Variants in PLVAP observed in about 807,000 individuals in gnomAD.
PLVAP encodes the protein plasmalemma vesicle associated protein, also known as plasmalemma vesicle-associated protein.
A neutral mutation model predicts 43.1 loss-of-function variants in PLVAP; 34 were observed. That is an observed-to-expected ratio of 0.79 (90% CI 0.60 to 1.05). PLVAP has a LOEUF of 1.05. Ranked by LOEUF, PLVAP falls within the 50% of genes least tolerant of loss-of-function variation. The pLI is 0.00. For synonymous variants in PLVAP, 241 were observed against 237.3 expected (o/e 1.02, Z -0.14); for missense variants, 574 against 593.4 (o/e 0.97, Z 0.34).
intron 1 of PLVAP, among the ~76,000 whole-genome samples, chr19:17,372,906 C>CA (rs200158805): frequency 0.19 from 28,151 of 144,600 alleles, 3,290 homozygotes; most frequent in South Asian, 0.3. Context: ...ACTAAAAATA[C>CA]AAAAAAAAAA....
chr19:17,366,268 C>G (rs939908685), intron 1 of PLVAP, 73 bp from the exon 2 acceptor site: 1 of 1,465,470 alleles, frequency 6.8e-7, no homozygotes, highest in African/African-American at 1.4e-5. Flanking sequence ...GGACCCAGAT[C>G]GAGCACCCTG....
Position 17,377,022 on chromosome 19 carries a change from G to C in PLVAP, c.267C>G (p.Asn89Lys). 6.2e-7 allele frequency: 1 copy of C among 1,614,122 alleles called. No homozygotes were observed. The highest frequency in any genetic ancestry group is 8.5e-7 in the Non-Finnish European group (1 of 1,180,026). ...TGGCATCCTTGGCGCGGGTGGTGAA[G>C]TTGAGCTCCTTGGTCAAGTTGGACT... ...ASQSNLTKEL[N>K]FTTRAKDAIM... Residue 89 changes from asparagine (N) to lysine (K), a missense_variant, in exon 1 of 6, where the codon AAC becomes AAG. By Grantham distance (94) the Asn-to-Lys change is moderately conservative. Coordinates refer to ENST00000252590, the MANE Select transcript of PLVAP (RefSeq NM_031310.3).
chr19:17,374,592 C>A (rs1348749300), intron 1 of PLVAP, among the ~76,000 whole-genome samples: 1 of 151,988 alleles, frequency 6.6e-6, no homozygotes, highest in Non-Finnish European at 1.5e-5. Flanking sequence ...TGAACAGGAA[C>A]AAAACACTGT....
At chr19:17,358,278 AAAAG>A (rs1433939084) in intron 5 of PLVAP, among the ~76,000 whole-genome samples, 16 of 149,760 alleles carry the variant, frequency 1.1e-4, no homozygotes, top group African/African-American at 2.8e-4. Flanking sequence ...AAAAAAAAAA[AAAAG>A]AAGAAGAGGT....
chr19:17,366,801 TG>T (rs907453096), intron 1 of PLVAP, among the ~76,000 whole-genome samples: 34 of 150,910 alleles, frequency 2.3e-4, no homozygotes, highest in African/African-American at 3.2e-4. Flanking sequence ...CTGGCTAATT[TG>T]TTTTTTTGTT....
In PLVAP at chr19:17,376,282, G is replaced by T. The variant is rs527436538; in HGVS notation, c.369+638C>A. Among the ~76,000 whole-genome samples the T allele has an allele frequency of 7.2e-5, 11 of 152,278 alleles. No individual in the cohort carries two copies. The East Asian group carries it at 2.1e-3, about 29-fold the overall frequency. On this transcript the variant is annotated intron_variant, in intron 1 of 5. Coordinates refer to ENST00000252590, the MANE Select transcript of PLVAP (RefSeq NM_031310.3). ...GGGTGAGAGGATTGCTTGAGCCCAG[G>T]AGTTCGAGACTAGCCTGGGCAACAT...
chr19:17,368,064 ATTTTTTTTTTTTTT>A, intron 1 of PLVAP, among the ~76,000 whole-genome samples: 1 of 76,034 alleles, frequency 1.3e-5, no homozygotes, highest in Non-Finnish European at 2.3e-5. Flanking sequence ...TGCCCGGCTA[ATTTTTTTTTTTTTT>A]TTTTTTTTTT....
rs12327811 is a variant in PLVAP, at chr19:17,370,924, C to T, written c.370-4729G>A. ...ACAAAAAATTAGCCAGGCGTGGTGG[C>T]GGGCGCCTGTAGTCCCAGCTACTCG... On this transcript the variant is annotated intron_variant, in intron 1 of 5. Transcript: ENST00000252590. Among the ~76,000 whole-genome samples the T allele has an allele frequency of 4.4e-3, 662 of 151,324 alleles. 9 individuals are homozygous for T. Among genetic ancestry groups the T allele is most frequent in the African/African-American group, 0.015 (605 of 41,322 alleles).
chr19:17,352,535 C>T (rs1029716859), intron 5 of PLVAP, among the ~76,000 whole-genome samples, 167 bp from the exon 6 acceptor site: 2 of 152,068 alleles, frequency 1.3e-5, no homozygotes, highest in African/African-American at 2.4e-5. Context: ...CCCCAGGGCT[C>T]CTTCGGGTTC....
intron 5 of PLVAP, among the ~76,000 whole-genome samples, chr19:17,355,197 G>C (rs57966750): frequency 0.61 from 89,895 of 146,954 alleles, 28,590 homozygotes; most frequent in African/African-American, 0.79. Flanking sequence ...GTACTCCAGC[G>C]TGGGTGGCAG....
chr19:17,377,185 A>G lies in PLVAP; in HGVS notation c.104T>C (p.Ile35Thr), dbSNP rs759373661. 19 of 1,613,874 alleles carry G rather than the reference A, an allele frequency of 1.2e-5. No homozygotes were observed. The highest frequency in any genetic ancestry group is 1.6e-5 in the Non-Finnish European group (19 of 1,180,004). The part of the protein sequence containing the change: ...LRYFFLFVSL[I>T]QFLIILGLVL... The stretch of plus-strand genomic sequence containing the variant: ...GAGCCCCAGGATGATGAGGAATTGG[A>G]TGAGGGAGACGAAGAGGAAGAAGTA... Residue 35 changes from isoleucine to threonine, a missense_variant, in exon 1 of 6, where the codon ATC becomes ACC. Ile to Thr is a moderately conservative substitution (Grantham distance 89, BLOSUM62 -1). Transcript: ENST00000252590.
intron 5 of PLVAP, among the ~76,000 whole-genome samples, chr19:17,357,029 C>T (rs1484594736): frequency 6.6e-6 from 1 of 152,002 alleles, no homozygotes; most frequent in Non-Finnish European, 1.5e-5. Flanking sequence ...CCTCTAATCC[C>T]AGCACTTTGG....
In PLVAP at chr19:17,366,160, G is replaced by A. The variant is rs766382691; in HGVS notation, c.405C>T (p.Ala135=). 1.2e-6 allele frequency: 2 copies of A among 1,614,112 alleles called. No homozygotes were observed. Among genetic ancestry groups the A allele is most frequent in the Admixed American group, 3.3e-5 (2 of 60,000 alleles). Residue 135 remains alanine (A), a synonymous_variant, in exon 2 of 6, where the codon GCC becomes GCT. Transcript: ENST00000252590. ...TGCATTGCTTCTCACTCAAGATGAT[G>A]GCAGCCATGTACCTCTGATTGTTCG... ...IYTNNQRYMA[A]IILSEKQCRD...
In PLVAP at chr19:17,365,426, C is replaced by T; in HGVS notation, c.1039G>A (p.Ala347Thr). 1 of 1,613,222 alleles carries T rather than the reference C, an allele frequency of 6.2e-7. No homozygotes were observed. Among genetic ancestry groups the T allele is most frequent in the Non-Finnish European group, 8.5e-7 (1 of 1,180,040 alleles). ...QAECSRQTQL[A>T]LEEKAVLRKE... ...CGCAGCACCGCCTTCTCCTCCAGCG[C>T]TAGCTGGGTCTGCCGGGAGCATTCA... The change falls in exon 3 of 6, where the codon GCG (alanine) becomes ACG (threonine). Residue 347 changes from alanine (A) to threonine (T), a missense_variant. Transcript: ENST00000252590.
intron 5 of PLVAP, among the ~76,000 whole-genome samples, chr19:17,356,204 G>C (rs1487002033): frequency 6.6e-6 from 1 of 152,158 alleles, no homozygotes; most frequent in Admixed American, 6.5e-5. Context: ...CAGCTACTCG[G>C]GAGGCTGAGG....
At chr19:17,375,091 G>C (rs2074589817) in intron 1 of PLVAP, among the ~76,000 whole-genome samples, 1 of 152,028 alleles carries the variant, frequency 6.6e-6, no homozygotes, top group South Asian at 2.1e-4. Context: ...CACAGTGCTG[G>C]GATTACAGGT....
chr19:17,366,651 G>C (rs973092212), intron 1 of PLVAP, among the ~76,000 whole-genome samples: 1 of 146,896 alleles, frequency 6.8e-6, no homozygotes, highest in African/African-American at 2.5e-5. Flanking sequence ...TTGAAATGGA[G>C]TTTCACTCCT....
chr19:17,377,300 C>T lies in PLVAP; in HGVS notation c.-12G>A, dbSNP rs778005831. 1.4e-5 allele frequency: 22 copies of T among 1,598,208 alleles called. No homozygotes were observed. The highest frequency in any genetic ancestry group is 7.9e-5 in the South Asian group (7 of 88,798). On this transcript the variant is annotated 5_prime_UTR_variant, in exon 1 of 6. Coordinates refer to ENST00000252590, the MANE Select transcript of PLVAP (RefSeq NM_031310.3). ...ATGGCCAGACCCATTTGCTCGATCC[C>T]GCCGTCCGGTGCACCGTCCCTGCTC...
chr19:17,353,797 T>C (rs565792188), intron 5 of PLVAP, among the ~76,000 whole-genome samples: 1 of 152,162 alleles, frequency 6.6e-6, no homozygotes. Context: ...TTATTATCCA[T>C]CTCTCCCACT....
Sources: gnomAD v4.1 joint callset for allele counts (sites outside exome capture counted in the v4.1 genomes callset) on GRCh38, gnomAD v4.1.1 for gene constraint, MANE v1.5 for transcripts, NCBI Gene and HGNC (gene_info 2026-07-23, HGNC 2026-07-21) for gene names.